MLC1: variants seen among roughly 807,000 people sequenced by gnomAD.
MLC1 encodes the protein membrane protein MLC1.
Under a neutral mutation model 44.7 loss-of-function variants are expected in MLC1, and 32 were observed. The observed-to-expected ratio is 0.72, with a 90% CI of 0.54 to 0.96. The LOEUF (loss-of-function observed/expected upper bound fraction) is 0.96. MLC1 is among the 40% of genes least tolerant of loss of function. MLC1 has a pLI of 0.00. For synonymous variants in MLC1, 190 were observed against 213.0 expected (o/e 0.89, Z 0.94); for missense variants, 459 against 492.2 (o/e 0.93, Z 0.64).
chr22:50,068,446 G>A lies in MLC1; in HGVS notation c.881C>T (p.Pro294Leu), dbSNP rs1050220787. ...AATACAACTCACTTTTATGGCTGGC[G>A]GGTAATCCTTAAACATCTCCACGAT... Reference protein sequence around the residue: ...MRIVEMFKDYPPAIKPSYDVL... With the variant: ...MRIVEMFKDYLPAIKPSYDVL... The change falls in exon 10 of 12, where the codon CCG (proline) becomes CTG (leucine). Residue 294 changes from proline to leucine, a missense_variant. Pro to Leu is a moderately conservative substitution (Grantham distance 98, BLOSUM62 -3). Transcript: ENST00000311597. 3.1e-6 allele frequency: 5 copies of A among 1,613,658 alleles called. No individual in the cohort carries two copies. Among genetic ancestry groups the A allele is most frequent in the South Asian group, 1.1e-5 (1 of 91,058 alleles).
intron 3 of MLC1, among the ~76,000 whole-genome samples, chr22:50,081,847 C>T (rs2062150937): frequency 6.6e-6 from 1 of 152,240 alleles, no homozygotes; most frequent in Non-Finnish European, 1.5e-5. Flanking sequence ...ATCCGGCAGC[C>T]GCTGAGGCTG....
chr22:50,061,701 G>A (rs761014007), intron 11 of MLC1, 44 bp from the exon 12 acceptor site: 2 of 1,564,302 alleles, frequency 1.3e-6, no homozygotes, highest in Non-Finnish European at 1.8e-6. Flanking sequence ...AGGGCCACCT[G>A]TGCGGCGGGA....
intron 9 of MLC1, among the ~76,000 whole-genome samples, chr22:50,068,858 C>T (rs564192555): frequency 6.6e-6 from 1 of 151,396 alleles, no homozygotes; most frequent in East Asian, 1.9e-4. Context: ...TCCCGAGTAG[C>T]TGGGATTACA....
intron 3 of MLC1, among the ~76,000 whole-genome samples, chr22:50,082,247 G>A (rs187372079): frequency 2.3e-3 from 341 of 150,962 alleles, no homozygotes; most frequent in South Asian, 3.6e-3. Context: ...CGCGGCTTGC[G>A]GGCCAGAGGG....
chr22:50,070,974 C>T (rs1329728188), intron 8 of MLC1, among the ~76,000 whole-genome samples: 1 of 152,198 alleles, frequency 6.6e-6, no homozygotes, highest in Admixed American at 6.5e-5. Flanking sequence ...GAGCCCAGGG[C>T]ACACTCTTGC....
chr22:50,068,918 T>G (rs7511496), intron 9 of MLC1, among the ~76,000 whole-genome samples: 18,484 of 151,070 alleles, frequency 0.12, 1,255 homozygotes, highest in South Asian at 0.23. Flanking sequence ...GTAGAGACCG[T>G]GTTTTGCCAC....
At chr22:50,084,352 G>A (rs2062226984) in intron 2 of MLC1, among the ~76,000 whole-genome samples, 1 of 152,148 alleles carries the variant, frequency 6.6e-6, no homozygotes, top group South Asian at 2.1e-4. Flanking sequence ...CTCTCTGTGA[G>A]GGCCGACCTG....
chr22:50,079,981 A>G lies in MLC1; in HGVS notation c.360T>C (p.Ala120=). The G allele has an allele frequency of 6.2e-7, 1 of 1,614,214 alleles. No individual in the cohort carries two copies. Among genetic ancestry groups the G allele is most frequent in the South Asian group, 1.1e-5 (1 of 91,084 alleles). ...NFQILFVSTF[A]VTTTCLIWFG... ...ACCAAATTAAACACGTAGTGGTCAC[A>G]GCAAACGTGGAAACAAACAATATCT... Residue 120 remains alanine, a synonymous_variant, in exon 5 of 12, where the codon GCT becomes GCC. Transcript: ENST00000311597.
At position 50,080,394 on chromosome 22, in the gene MLC1, T is replaced by C. The variant is rs944398668; in HGVS notation, c.271A>G (p.Ile91Val). 4.4e-6 allele frequency: 7 copies of C among 1,603,372 alleles called. No individual in the cohort carries two copies. Among genetic ancestry groups the C allele is most frequent in the Non-Finnish European group, 6.0e-6 (7 of 1,175,028 alleles). ...GTGAAGCTCACAATTGCCGAGGGGA[T>C]GCACTGGAATGAAACCGGAATCCCA... ...DYLRCAAGSC[I>V]PSAIVSFTVS... is the part of the protein sequence containing the mutation. Residue 91 changes from isoleucine (I) to valine (V), a missense_variant, in exon 4 of 12, where the codon ATC becomes GTC. Transcript: ENST00000311597.
Position 50,070,456 on chromosome 22 carries a change from A to G in MLC1, c.771+71T>C. On this transcript the variant is annotated intron_variant, in intron 9 of 11. Coordinates refer to ENST00000311597, the MANE Select transcript of MLC1 (RefSeq NM_015166.4). ...GCTGGAGCCTGGTCACATGGCACCAAGGGAGGGCTAGGCCAGGCCCTGGCC... is the reference window on the plus strand; with the variant it reads ...GCTGGAGCCTGGTCACATGGCACCAGGGGAGGGCTAGGCCAGGCCCTGGCC... 2.9e-6 allele frequency: 4 copies of G among 1,403,166 alleles called. No homozygotes were observed. In the South Asian group the frequency reaches 4.9e-5, roughly 17 times the overall value. The allele number at this position is 1,403,166 out of a possible 1,614,324, so 86.9% of individuals were successfully genotyped here.
At chr22:50,071,533 T>G (rs2061851444) in intron 8 of MLC1, among the ~76,000 whole-genome samples, 1 of 152,170 alleles carries the variant, frequency 6.6e-6, no homozygotes, top group East Asian at 1.9e-4. Context: ...TGGTCGCTTC[T>G]GGGGGGTGCA....
rs11568179 is a variant in MLC1 at position 50,068,590 on chromosome 22, G to A, written c.772-35C>T. The A allele has an allele frequency of 0.15, 235,390 of 1,604,718 alleles. 18,499 individuals carry two copies. Among genetic ancestry groups the A allele is most frequent in the South Asian group, 0.22 (20,178 of 90,720 alleles). ...AAGCGCGGGTTGCAGGACCACGGCC[G>A]GAGCCTGGGAGCCCAGGACAGCGGG... On this transcript the variant is annotated intron_variant, in intron 9 of 11. Transcript: ENST00000311597.
chr22:50,073,637 G>T (rs1357997716), intron 8 of MLC1, among the ~76,000 whole-genome samples: 2 of 152,164 alleles, frequency 1.3e-5, no homozygotes, highest in African/African-American at 4.8e-5. Flanking sequence ...GGAGGCTGAG[G>T]TGGGCAAATT....
At chr22:50,067,267 C>G (rs2061721960) in intron 10 of MLC1, among the ~76,000 whole-genome samples, 1 of 152,006 alleles carries the variant, frequency 6.6e-6, no homozygotes, top group African/African-American at 2.4e-5. Flanking sequence ...CGCTATCCCC[C>G]TTCAGACAGT....
Position 50,084,907 on chromosome 22 carries a change from C to G in MLC1, c.-5G>C, listed in dbSNP as rs1222580423. The G allele has an allele frequency of 6.2e-7, 1 of 1,610,664 alleles. No homozygotes were observed. The highest frequency in any genetic ancestry group is 1.3e-5 in the African/African-American group (1 of 75,074). ...TCTGAATGGCTCCTGGGTCATGGCACTTGGGGACACCACAGCTGTGCTGAA... is the reference window on the plus strand; with the variant it reads ...TCTGAATGGCTCCTGGGTCATGGCAGTTGGGGACACCACAGCTGTGCTGAA... On this transcript the variant is annotated 5_prime_UTR_variant, in exon 2 of 12. Transcript: ENST00000311597.
At chr22:50,078,256 G>T (rs1418744092) in intron 5 of MLC1, among the ~76,000 whole-genome samples, 1 of 151,768 alleles carries the variant, frequency 6.6e-6, no homozygotes. Context: ...CTCCCAAAGT[G>T]CTGAGATTAC....
In MLC1 at chr22:50,077,428, G is replaced by A. The variant is rs764242064; in HGVS notation, c.498C>T (p.Ser166=). The change falls in exon 6 of 12, where the codon TCC becomes TCT. Residue 166 remains serine, a synonymous_variant. Transcript: ENST00000311597. ...TCTTTTTCTTGCAGTCCTCCTCGCT[G>A]GACCGTGCAGCGATGATCACCGTGG... The part of the protein sequence containing the change: ...MAATVIIAAR[S]SEEDCKKKKG... 2.5e-6 allele frequency: 4 copies of A among 1,613,806 alleles called. No individual in the cohort carries two copies. The East Asian group carries it at 6.7e-5, about 27-fold the overall frequency.
intron 5 of MLC1, among the ~76,000 whole-genome samples, chr22:50,078,017 G>T (rs2062026019): frequency 6.7e-6 from 1 of 149,098 alleles, no homozygotes. Flanking sequence ...TGAGACGGAG[G>T]TTCGCTCTTG....
chr22:50,065,200 T>C (rs1464186628), intron 10 of MLC1, among the ~76,000 whole-genome samples: 2 of 152,186 alleles, frequency 1.3e-5, no homozygotes, highest in Non-Finnish European at 2.9e-5. Flanking sequence ...ATTACAGGCA[T>C]GTGCCACTAC....
Sources: gnomAD v4.1 joint callset for allele counts (sites outside exome capture counted in the v4.1 genomes callset) on GRCh38, gnomAD v4.1.1 for gene constraint, MANE v1.5 for transcripts, NCBI Gene and HGNC (gene_info 2026-07-23, HGNC 2026-07-21) for gene names.